The following METTL15 variants were observed in gnomAD, a reference collection of about 807,000 sequenced individuals.
METTL15 encodes the protein 12S rRNA N(4)-cytidine methyltransferase METTL15.
Under a neutral mutation model 38.3 loss-of-function variants are expected in METTL15, and 34 were observed. The observed-to-expected ratio is 0.89, with a 90% CI of 0.68 to 1.18. METTL15 has a LOEUF of 1.18. Ranked by LOEUF, METTL15 falls within the 50% of genes most tolerant of loss-of-function variation. The probability of loss-of-function intolerance (pLI) is 0.00; values close to 1 mark genes in which losing one functional copy is unlikely to be tolerated. For synonymous variants in METTL15, 162 were observed against 170.9 expected (o/e 0.95, Z 0.41); for missense variants, 438 against 498.4 (o/e 0.88, Z 1.15).
chr11:28,222,105 C>T (rs961934708), intron 4 of METTL15, among the ~76,000 whole-genome samples: 43 of 152,206 alleles, frequency 2.8e-4, no homozygotes, highest in Admixed American at 2.6e-3. Context: ...TTTAAGTCTG[C>T]AGAGGTTTCT....
chr11:28,517,367 T>A (rs1851728166), intron 6 of METTL15: 1 of 152,098 alleles, frequency 6.6e-6, no homozygotes, highest in African/African-American at 2.4e-5. Flanking sequence ...TGGATGGATA[T>A]CCATCCAATA....
At chr11:28,181,377 A>G (rs1851282216) in intron 3 of METTL15, among the ~76,000 whole-genome samples, 1 of 150,226 alleles carries the variant, frequency 6.7e-6, no homozygotes, top group Non-Finnish European at 1.5e-5. Context: ...CATCTACAAT[A>G]GGTATTTCTC....
chr11:28,113,524 G>C lies in METTL15; in HGVS notation c.190G>C (p.Asp64His), dbSNP rs766399314. The C allele has an allele frequency of 1.2e-6, 2 of 1,613,652 alleles. No homozygotes were observed. Among genetic ancestry groups the C allele is most frequent in the South Asian group, 2.2e-5 (2 of 91,046 alleles). Reference sequence around the variant, plus strand: ...GGAGTTACACAGATCTCAAGATAGAGATTTTGAAACTATGGCTAAATTACA... The same window carrying C: ...GGAGTTACACAGATCTCAAGATAGACATTTTGAAACTATGGCTAAATTACA... ...AQELHRSQDRDFETMAKLHIP... is the reference protein window; with the variant it reads ...AQELHRSQDRHFETMAKLHIP... Residue 64 changes from aspartate (D) to histidine (H), a missense_variant, in exon 3 of 7, where the codon GAT becomes CAT. Asp to His is a moderately conservative substitution (Grantham distance 81). Coordinates refer to ENST00000407364, the MANE Select transcript of METTL15 (RefSeq NM_001113528.2).
At chr11:28,454,720 T>C (rs1851153283) in intron 6 of METTL15, among the ~76,000 whole-genome samples, 1 of 152,216 alleles carries the variant, frequency 6.6e-6, no homozygotes, top group Non-Finnish European at 1.5e-5. Flanking sequence ...GAACAACAAT[T>C]CAATTATATT....
At chr11:28,318,770 C>A (rs1345183679) in intron 6 of METTL15, among the ~76,000 whole-genome samples, 4 of 152,144 alleles carry the variant, frequency 2.6e-5, no homozygotes, top group Non-Finnish European at 5.9e-5. Flanking sequence ...AGGCTCCCTT[C>A]CTAGTAAGTG....
chr11:28,508,854 C>T (rs1253315263), intron 6 of METTL15, among the ~76,000 whole-genome samples: 2 of 152,192 alleles, frequency 1.3e-5, no homozygotes, highest in Non-Finnish European at 2.9e-5. Context: ...CAAGGGACAT[C>T]ATTTAGGGAT....
chr11:28,393,327 A>G (rs1055126922), intron 5 of METTL15, among the ~76,000 whole-genome samples: 1 of 152,170 alleles, frequency 6.6e-6, no homozygotes, highest in Non-Finnish European at 1.5e-5. Flanking sequence ...TATACATACA[A>G]TGAAATATTT....
chr11:28,315,727 C>A (rs372284408), intron 6 of METTL15, among the ~76,000 whole-genome samples: 1 of 152,180 alleles, frequency 6.6e-6, no homozygotes, highest in East Asian at 1.9e-4. Flanking sequence ...GGCCCAAGGC[C>A]CCCCTGTTCT....
chr11:28,400,727 G>C lies in METTL15; in HGVS notation c.*359-23572G>C, dbSNP rs1014798281. On this transcript the variant is annotated intron_variant and NMD_transcript_variant, in intron 5 of 7. Transcript: ENST00000532947. ...TAAAATCAAAGTTTCATCCACTACTGTGGGTGGGCTTGGTCAAGGGATTGA... is the reference window on the plus strand; with the variant it reads ...TAAAATCAAAGTTTCATCCACTACTCTGGGTGGGCTTGGTCAAGGGATTGA... 2.0e-4 allele frequency among the ~76,000 whole-genome samples: 31 copies of C among 151,924 alleles called. 1 individual carries two copies. Among genetic ancestry groups the C allele is most frequent in the African/African-American group, 7.2e-4 (30 of 41,396 alleles).
intron 1 of METTL15, among the ~76,000 whole-genome samples, chr11:28,109,190 A>C (rs1313690617): frequency 1.3e-5 from 2 of 152,204 alleles, no homozygotes; most frequent in Non-Finnish European, 2.9e-5. Context: ...TGTTGAGGAA[A>C]ATCGGGAGTA....
chr11:28,416,215 G>C (rs771096655), intron 5 of METTL15, among the ~76,000 whole-genome samples: 1 of 152,186 alleles, frequency 6.6e-6, no homozygotes, highest in Non-Finnish European at 1.5e-5. Flanking sequence ...CAAGCACCTT[G>C]TGTGCCTGTG....
At chr11:28,490,625 G>A (rs564462570) in intron 6 of METTL15, among the ~76,000 whole-genome samples, 1 of 152,074 alleles carries the variant, frequency 6.6e-6, no homozygotes, top group Non-Finnish European at 1.5e-5. Context: ...GATTCTTAAT[G>A]TGCAGTTAGG....
chr11:28,508,873 AG>A (rs1200995080), intron 6 of METTL15, among the ~76,000 whole-genome samples: 2 of 152,248 alleles, frequency 1.3e-5, no homozygotes, highest in Non-Finnish European at 2.9e-5. Context: ...ATAAGACCAA[AG>A]TACCTGGTCC....
At chr11:28,187,143 A>G (rs1348722252) in intron 3 of METTL15, among the ~76,000 whole-genome samples, 4 of 151,294 alleles carry the variant, frequency 2.6e-5, no homozygotes, top group Non-Finnish European at 5.9e-5. Flanking sequence ...TAAAATTAAA[A>G]ATTAGTAAAT....
At chr11:28,468,377 C>T (rs1183702328) in intron 6 of METTL15, among the ~76,000 whole-genome samples, 1 of 152,070 alleles carries the variant, frequency 6.6e-6, no homozygotes, top group Non-Finnish European at 1.5e-5. Flanking sequence ...GTAGTGCGTT[C>T]ACGAAAAAAC....
intron 5 of METTL15, among the ~76,000 whole-genome samples, chr11:28,382,182 C>T (rs141516736): frequency 6.6e-6 from 1 of 152,222 alleles, no homozygotes; most frequent in African/African-American, 2.4e-5. Context: ...AAATGGTTGG[C>T]TAGGGGTTCT....
rs560180878 is a variant in METTL15 at position 28,306,012 on chromosome 11, C to T, written c.778+9081C>T. Among the ~76,000 whole-genome samples the T allele has an allele frequency of 3.3e-5, 5 of 152,148 alleles. No homozygotes were observed. In the East Asian group the frequency reaches 9.7e-4, roughly 29 times the overall value. ...GGCAATTCAGAGTCCGATTCTAGGA[C>T]CTAATATAATTCCAAATTCCTGGAA... is the stretch of plus-strand genomic sequence containing the variant. On this transcript the variant is annotated intron_variant, in intron 6 of 6. Transcript: ENST00000407364.
intron 3 of METTL15, among the ~76,000 whole-genome samples, chr11:28,115,351 C>T (rs568495066): frequency 9.1e-4 from 138 of 151,894 alleles, no homozygotes; most frequent in Admixed American, 7.3e-3. Context: ...CTCTGCTTCC[C>T]GGGTTCAATT....
chr11:28,329,962 T>C (rs1452126901), intron 6 of METTL15, among the ~76,000 whole-genome samples: 1 of 152,184 alleles, frequency 6.6e-6, no homozygotes, highest in Admixed American at 6.5e-5. Context: ...CTTTATGTAA[T>C]GAATTTTCTT....
Sources: gnomAD v4.1 joint callset for allele counts (sites outside exome capture counted in the v4.1 genomes callset) on GRCh38, gnomAD v4.1.1 for gene constraint, MANE v1.5 for transcripts, NCBI Gene and HGNC (gene_info 2026-07-23, HGNC 2026-07-21) for gene names.